Variants in MACROD2 observed in about 807,000 individuals in gnomAD.
MACROD2 encodes mono-ADP ribosylhydrolase 2.
In MACROD2, 36 loss-of-function variants were observed where a neutral mutation model predicts 70.4. The ratio of observed to expected loss-of-function variants is 0.51; its 90% CI spans 0.39 to 0.68. MACROD2 has a LOEUF of 0.68. MACROD2 is among the 30% of genes least tolerant of loss of function. The probability of loss-of-function intolerance (pLI) is 0.00; values close to 1 mark genes in which losing one functional copy is unlikely to be tolerated. For missense variants in MACROD2, 496 were observed against 538.4 expected (o/e 0.92, Z 0.78); for synonymous variants, 172 against 178.8 (o/e 0.96, Z 0.30).
At chr20:14,835,580 G>T (rs1205468621) in intron 5 of MACROD2, among the ~76,000 whole-genome samples, 1 of 151,964 alleles carries the variant, frequency 6.6e-6, no homozygotes, top group African/African-American at 2.4e-5. Flanking sequence ...AGTACAGAGG[G>T]GATGACCCAG....
intron 5 of MACROD2, among the ~76,000 whole-genome samples, chr20:15,161,024 G>A (rs958527316): frequency 6.6e-6 from 1 of 152,018 alleles, no homozygotes; most frequent in African/African-American, 2.4e-5. Context: ...TGATGAAAAT[G>A]TCATAAGGTG....
chr20:14,727,257 G>A (rs2071540993), intron 5 of MACROD2, among the ~76,000 whole-genome samples: 1 of 152,128 alleles, frequency 6.6e-6, no homozygotes, highest in Non-Finnish European at 1.5e-5. Flanking sequence ...AGAAATACAG[G>A]CAGTGGCTCA....
At chr20:14,172,491 G>A (rs1569190181) in intron 3 of MACROD2, among the ~76,000 whole-genome samples, 1 of 152,026 alleles carries the variant, frequency 6.6e-6, no homozygotes, top group Non-Finnish European at 1.5e-5. Flanking sequence ...TTTTAGTAGA[G>A]ACGGGGTTTT....
chr20:14,504,390 G>A (rs1386537000), intron 4 of MACROD2, among the ~76,000 whole-genome samples: 1 of 152,064 alleles, frequency 6.6e-6, no homozygotes, highest in African/African-American at 2.4e-5. Flanking sequence ...TAAAATATTG[G>A]GCAGACCCAG....
chr20:14,254,509 GTCTT>G, intron 3 of MACROD2, among the ~76,000 whole-genome samples: 1 of 151,938 alleles, frequency 6.6e-6, no homozygotes, highest in Non-Finnish European at 1.5e-5. Context: ...GTAAAATTGA[GTCTT>G]TAATTATATT....
intron 8 of MACROD2, among the ~76,000 whole-genome samples, chr20:15,662,552 G>A (rs2049836240): frequency 6.6e-6 from 1 of 152,082 alleles, no homozygotes; most frequent in Non-Finnish European, 1.5e-5. Flanking sequence ...AGCATTCAGA[G>A]GGGAGAAAAT....
rs185382840 is a variant in MACROD2 at position 14,297,203 on chromosome 20, G to A, written c.272-196276G>A. 6.9e-4 allele frequency among the ~76,000 whole-genome samples: 105 copies of A among 151,764 alleles called. 2 individuals carry two copies. The highest frequency in any genetic ancestry group is 2.5e-3 in the African/African-American group (102 of 41,210). ...TTCCTCTGGCTTCCCTCTTCCCTGA[G>A]ACACAACAATATTAAAATTAGGCCA... On this transcript the variant is annotated intron_variant, in intron 3 of 17. Transcript: ENST00000684519.
intron 4 of MACROD2, among the ~76,000 whole-genome samples, chr20:14,516,962 G>A (rs1448451246): frequency 1.3e-5 from 2 of 152,218 alleles, no homozygotes; most frequent in Non-Finnish European, 2.9e-5. Flanking sequence ...GGTCATTAGA[G>A]AAATGCAAAT....
In MACROD2 at chr20:14,729,759, AAAGTT is replaced by A. The variant is rs553824661; in HGVS notation, c.418+44803_418+44807del. ...CAAATCACAAAATAATTTTATGAAT[AAAGTT>A]AAAATGGTCACAAACTCAGTATGAA... On this transcript the variant is annotated intron_variant, in intron 5 of 17. Transcript: ENST00000684519. Among the ~76,000 whole-genome samples, 673 of 152,328 alleles carry A rather than the reference AAAGTT, an allele frequency of 4.4e-3. 1 individual carries two copies. The highest frequency in any genetic ancestry group is 7.3e-3 in the Non-Finnish European group (496 of 68,032).
intron 9 of MACROD2, among the ~76,000 whole-genome samples, chr20:15,877,101 T>C (rs1283766316): frequency 6.6e-6 from 1 of 152,152 alleles, no homozygotes; most frequent in Non-Finnish European, 1.5e-5. Flanking sequence ...CACTTTGGAC[T>C]GGGCACTCTT....
intron 3 of MACROD2, among the ~76,000 whole-genome samples, chr20:14,096,877 T>C (rs372155754): frequency 2.6e-5 from 4 of 152,186 alleles, no homozygotes; most frequent in African/African-American, 7.2e-5. Flanking sequence ...ACTTTGCCCA[T>C]GGGAAGTTTA....
At chr20:15,857,984 T>A (rs544285034) in intron 8 of MACROD2, among the ~76,000 whole-genome samples, 1 of 152,276 alleles carries the variant, frequency 6.6e-6, no homozygotes. Flanking sequence ...TCAAGAGGTT[T>A]GCTTGACCCT....
At chr20:14,239,328 A>G (rs1407614995) in intron 3 of MACROD2, among the ~76,000 whole-genome samples, 3 of 152,250 alleles carry the variant, frequency 2.0e-5, no homozygotes, top group Admixed American at 2.0e-4. Context: ...AATGCTATTA[A>G]TATCAAGTTA....
intron 3 of MACROD2, among the ~76,000 whole-genome samples, chr20:14,318,606 T>C (rs540124284): frequency 6.6e-6 from 1 of 152,334 alleles, no homozygotes; most frequent in East Asian, 1.9e-4. Flanking sequence ...GTGTGAAGAA[T>C]AGAGCAAGGT....
chr20:14,047,441 C>G (rs562190359), intron 2 of MACROD2, among the ~76,000 whole-genome samples: 7 of 119,832 alleles, frequency 5.8e-5, no homozygotes, highest in Middle Eastern at 7.0e-3. Flanking sequence ...AGCAACAGAG[C>G]GAGACTCCGT....
chr20:14,787,981 A>G (rs1004239920), intron 5 of MACROD2, among the ~76,000 whole-genome samples: 2 of 152,044 alleles, frequency 1.3e-5, no homozygotes, highest in Non-Finnish European at 2.9e-5. Context: ...ATTTACCTAG[A>G]GGGCTTTCTA....
intron 8 of MACROD2, among the ~76,000 whole-genome samples, chr20:15,819,906 A>G (rs1026112469): frequency 2.6e-5 from 4 of 152,074 alleles, no homozygotes; most frequent in Non-Finnish European, 5.9e-5. Context: ...AAATAAGTAG[A>G]TTTTTGTTAT....
chr20:15,561,072 G>T (rs551828964), intron 8 of MACROD2, among the ~76,000 whole-genome samples: 1 of 152,164 alleles, frequency 6.6e-6, no homozygotes, highest in Non-Finnish European at 1.5e-5. Context: ...TCTTGGTGTA[G>T]TCAGGGAACA....
At chr20:15,890,535 A>G (rs2064875020) in intron 10 of MACROD2, among the ~76,000 whole-genome samples, 1 of 152,280 alleles carries the variant, frequency 6.6e-6, no homozygotes, top group African/African-American at 2.4e-5. Context: ...TGCTGAACCC[A>G]TTCCAAGGGT....
Sources: gnomAD v4.1 joint callset for allele counts (sites outside exome capture counted in the v4.1 genomes callset) on GRCh38, gnomAD v4.1.1 for gene constraint, MANE v1.5 for transcripts, NCBI Gene and HGNC (gene_info 2026-07-23, HGNC 2026-07-21) for gene names.